Variants in CFAP95 observed in about 807,000 individuals in gnomAD.
The protein encoded by CFAP95 is cilia- and flagella-associated protein 95.
At chr9:69,884,203 A>C in the CFAP95 span, among the ~76,000 whole-genome samples, 1 of 152,096 alleles carries the variant, frequency 6.6e-6, no homozygotes, top group Non-Finnish European at 1.5e-5. Context: ...ATATATTTTT[A>C]TGTATTTTTA....
the CFAP95 span, among the ~76,000 whole-genome samples, chr9:69,826,708 G>A: frequency 6.6e-6 from 1 of 152,144 alleles, no homozygotes; most frequent in African/African-American, 2.4e-5. Flanking sequence ...TGACGGGAGA[G>A]GGAAGAGGCT....
the CFAP95 span, among the ~76,000 whole-genome samples, chr9:69,866,631 G>T: frequency 6.6e-6 from 1 of 152,280 alleles, no homozygotes; most frequent in Admixed American, 6.5e-5. Context: ...TGATTCAAAA[G>T]CTACTCTATT....
At chr9:69,864,675 T>C in the CFAP95 span, among the ~76,000 whole-genome samples, 35,635 of 152,124 alleles carry the variant, frequency 0.23, 4,791 homozygotes, top group Non-Finnish European at 0.29. Flanking sequence ...GTGGTCTTCA[T>C]AGTAGCAGTA....
chr9:69,824,825 C>T, the CFAP95 span, among the ~76,000 whole-genome samples: 2 of 152,160 alleles, frequency 1.3e-5, no homozygotes, highest in African/African-American at 2.4e-5. Flanking sequence ...TGACCAGAGG[C>T]TCACAGAAAC....
the CFAP95 span, among the ~76,000 whole-genome samples, chr9:69,822,768 T>C: frequency 7.2e-5 from 11 of 152,310 alleles, no homozygotes; most frequent in East Asian, 2.1e-3. Flanking sequence ...GAGAGAAGGA[T>C]AGTGGAACGC....
chr9:69,895,148 G>C, the CFAP95 span, among the ~76,000 whole-genome samples: 1 of 152,096 alleles, frequency 6.6e-6, no homozygotes, highest in Admixed American at 6.5e-5. Flanking sequence ...TTTACAATCA[G>C]TTAACTTTTA....
chr9:69,829,445 A>T, the CFAP95 span, among the ~76,000 whole-genome samples: 1 of 152,222 alleles, frequency 6.6e-6, no homozygotes, highest in African/African-American at 2.4e-5. Flanking sequence ...TACATGCAAG[A>T]TAAGCCCTGG....
the CFAP95 span, among the ~76,000 whole-genome samples, chr9:69,821,966 G>A: frequency 6.6e-6 from 1 of 152,112 alleles, no homozygotes; most frequent in Non-Finnish European, 1.5e-5. Context: ...GCCCCAAGAA[G>A]CATTTGGTTT....
the CFAP95 span, among the ~76,000 whole-genome samples, chr9:69,842,405 C>T: frequency 6.6e-6 from 1 of 152,088 alleles, no homozygotes; most frequent in Non-Finnish European, 1.5e-5. Flanking sequence ...CAGAATTGAC[C>T]AATATTCCGG....
At chr9:69,895,359 C>CTGTGTG in the CFAP95 span, among the ~76,000 whole-genome samples, 9 of 97,362 alleles carry the variant, frequency 9.2e-5, no homozygotes, top group African/African-American at 3.4e-4. Flanking sequence ...CTCTCTCTCT[C>CTGTGTG]TCTCTCTCTC....
At chr9:69,884,891 C>A in the CFAP95 span, among the ~76,000 whole-genome samples, 1 of 152,008 alleles carries the variant, frequency 6.6e-6, no homozygotes, top group East Asian at 1.9e-4. Context: ...TTGAAAGTTA[C>A]ATTTCTAATT....
chr9:69,828,344 A>T, the CFAP95 span, among the ~76,000 whole-genome samples: 2 of 152,176 alleles, frequency 1.3e-5, no homozygotes, highest in Non-Finnish European at 1.5e-5. Flanking sequence ...TCTCAAGTAT[A>T]AAAAAACAGC....
At chr9:69,834,115 C>T in the CFAP95 span, among the ~76,000 whole-genome samples, 29 of 152,050 alleles carry the variant, frequency 1.9e-4, no homozygotes, top group Non-Finnish European at 3.7e-4. Flanking sequence ...TTGTTTTGGA[C>T]GGGGGCAGGC....
chr9:69,827,135 G>T, the CFAP95 span, among the ~76,000 whole-genome samples: 1 of 152,200 alleles, frequency 6.6e-6, no homozygotes, highest in Non-Finnish European at 1.5e-5. Flanking sequence ...ATACCATCAA[G>T]AACTGATGGG....
At chr9:69,873,407 T>G in the CFAP95 span, among the ~76,000 whole-genome samples, 2 of 151,454 alleles carry the variant, frequency 1.3e-5, no homozygotes, top group Non-Finnish European at 2.9e-5. Context: ...CAGCTCAACC[T>G]AAGTTTTTTT....
the CFAP95 span, among the ~76,000 whole-genome samples, chr9:69,869,216 T>G: frequency 6.6e-6 from 1 of 152,236 alleles, no homozygotes; most frequent in Non-Finnish European, 1.5e-5. Context: ...GCAGCATTAT[T>G]CACAATCGCC....
the CFAP95 span, among the ~76,000 whole-genome samples, chr9:69,827,270 T>C: frequency 6.6e-6 from 1 of 152,214 alleles, no homozygotes; most frequent in African/African-American, 2.4e-5. Flanking sequence ...TTTAAGATGA[T>C]GTAATAGTAG....
chr9:69,870,457 G>A, the CFAP95 span, among the ~76,000 whole-genome samples: 1 of 152,174 alleles, frequency 6.6e-6, no homozygotes, highest in East Asian at 1.9e-4. Flanking sequence ...CCTAAACAAT[G>A]TCGTCAAGAA....
the CFAP95 span, chr9:69,856,452 T>A: frequency 1.7e-6 from 1 of 593,164 alleles, no homozygotes; most frequent in South Asian, 2.6e-5. Flanking sequence ...TCAACTAGAG[T>A]CAACAATTAA....
Sources: allele counts gnomAD v4.1 joint callset (sites outside exome capture counted in the v4.1 genomes callset), GRCh38; gene constraint gnomAD v4.1.1; transcripts MANE v1.5; gene names NCBI Gene and HGNC (gene_info 2026-07-23, HGNC 2026-07-21).